The following RMP24 variants were observed in gnomAD, a reference collection of about 807,000 sequenced individuals.
The protein encoded by RMP24 is ribonuclease MRP subunit p24.
chr18:35,976,191 C>T, the RMP24 span, among the ~76,000 whole-genome samples: 2 of 139,334 alleles, frequency 1.4e-5, no homozygotes, highest in Admixed American at 7.5e-5. Context: ...CCTCTGTCGC[C>T]CAGGCTGGAG....
the RMP24 span, chr18:35,972,855 G>A: frequency 5.0e-6 from 8 of 1,614,086 alleles, no homozygotes; most frequent in African/African-American, 9.3e-5. Flanking sequence ...GTGTTCCTTT[G>A]CTCCTCACAA....
chr18:35,972,706 A>T, the RMP24 span: 1 of 1,598,090 alleles, frequency 6.3e-7, no homozygotes, highest in Non-Finnish European at 8.5e-7. Flanking sequence ...TCCCGCGGCG[A>T]GCCAGCGGCA....
the RMP24 span, chr18:35,975,054 G>C: frequency 6.2e-7 from 1 of 1,613,716 alleles, no homozygotes; most frequent in East Asian, 2.2e-5. Flanking sequence ...TTTTAAAGAA[G>C]CAAAAATGGT....
the RMP24 span, chr18:35,977,405 G>A: frequency 1.3e-6 from 2 of 1,599,764 alleles, no homozygotes; most frequent in African/African-American, 2.7e-5. Flanking sequence ...TTATTTTTAT[G>A]GTAGTTGATC....
the RMP24 span, chr18:35,977,694 T>A: frequency 7.5e-7 from 1 of 1,325,412 alleles, no homozygotes; most frequent in Non-Finnish European, 1.0e-6. Flanking sequence ...ATGCCATGCA[T>A]TTCAGGACTT....
the RMP24 span, chr18:35,977,707 C>T: frequency 5.1e-6 from 6 of 1,165,698 alleles, no homozygotes; most frequent in East Asian, 1.5e-4. Flanking sequence ...CAGGACTTGG[C>T]CATTTTTCCT....
At chr18:35,979,226 A>G in the RMP24 span, 1 of 389,832 alleles carries the variant, frequency 2.6e-6, no homozygotes, top group Non-Finnish European at 4.6e-6. Context: ...CCTTGTAGAT[A>G]CATATCTATA....
chr18:35,975,332 C>A, the RMP24 span, among the ~76,000 whole-genome samples: 2 of 152,094 alleles, frequency 1.3e-5, no homozygotes, highest in African/African-American at 4.8e-5. Context: ...TTTTGAGATC[C>A]CATTGTTGAG....
chr18:35,975,135 TTTC>T, the RMP24 span: 3 of 1,526,644 alleles, frequency 2.0e-6, no homozygotes, highest in Non-Finnish European at 2.7e-6. Context: ...AAACTAGAAT[TTTC>T]TTTTCTTTCA....
At chr18:35,977,444 A>G in the RMP24 span, 1 of 1,613,854 alleles carries the variant, frequency 6.2e-7, no homozygotes, top group Non-Finnish European at 8.5e-7. Context: ...AGAACAGTGA[A>G]ACATCATGGT....
At chr18:35,973,123 A>T in the RMP24 span, 1 of 636,080 alleles carries the variant, frequency 1.6e-6, no homozygotes, top group Non-Finnish European at 2.7e-6. Flanking sequence ...CAGTCTTGAA[A>T]TAGTTTCCTC....
At chr18:35,977,637 T>G in the RMP24 span, 5 of 1,580,290 alleles carry the variant, frequency 3.2e-6, no homozygotes, top group Non-Finnish European at 4.3e-6. Flanking sequence ...TTGCCAGTGT[T>G]AAGTGTTTTC....
At chr18:35,972,724 C>A in the RMP24 span, 1 of 1,605,448 alleles carries the variant, frequency 6.2e-7, no homozygotes, top group African/African-American at 1.3e-5. Context: ...GCAGCGGCGG[C>A]GGCGATGAGA....
At chr18:35,973,160 T>A in the RMP24 span, 1 of 593,998 alleles carries the variant, frequency 1.7e-6, no homozygotes, top group Admixed American at 3.0e-5. Flanking sequence ...ATTACGTAGT[T>A]CACCTCTTCA....
chr18:35,975,071 G>T, the RMP24 span: 1 of 1,613,360 alleles, frequency 6.2e-7, no homozygotes, highest in Non-Finnish European at 8.5e-7. Context: ...TGGTGAAAAA[G>T]TTCAAAGACT....
the RMP24 span, among the ~76,000 whole-genome samples, chr18:35,975,650 C>G: frequency 6.6e-6 from 1 of 152,194 alleles, no homozygotes; most frequent in Non-Finnish European, 1.5e-5. Flanking sequence ...AATCAGATTA[C>G]GTACGGTTTA....
At chr18:35,979,252 G>A in the RMP24 span, 518 of 270,076 alleles carry the variant, frequency 1.9e-3, 4 homozygotes, top group Non-Finnish European at 6.5e-4. Flanking sequence ...ATATGTGTAT[G>A]TATATAAAGA....
At chr18:35,973,234 T>G in the RMP24 span, 1 of 481,978 alleles carries the variant, frequency 2.1e-6, no homozygotes, top group Non-Finnish European at 3.8e-6. Context: ...AGTATTGTCG[T>G]GGCCCAGTAC....
chr18:35,974,400 C>T, the RMP24 span, among the ~76,000 whole-genome samples: 1 of 152,200 alleles, frequency 6.6e-6, no homozygotes, highest in Non-Finnish European at 1.5e-5. Context: ...ATGAGTTTCA[C>T]ATTTGGCAGA....
Sources: allele counts gnomAD v4.1 joint callset (sites outside exome capture counted in the v4.1 genomes callset), GRCh38; gene constraint gnomAD v4.1.1; transcripts MANE v1.5; gene names NCBI Gene and HGNC (gene_info 2026-07-23, HGNC 2026-07-21).